PPFIA2: variants seen among roughly 807,000 people sequenced by gnomAD.
The protein encoded by PPFIA2 is PPFI scaffold protein A2, also known as liprin-alpha-2.
Under a neutral mutation model 175.5 loss-of-function variants are expected in PPFIA2, and 46 were observed. The ratio of observed to expected loss-of-function variants is 0.26; its 90% CI spans 0.21 to 0.34. The LOEUF is 0.34. Ranked by LOEUF, PPFIA2 falls within the 10% of genes least tolerant of loss-of-function variation. The pLI is 1.00. For synonymous variants in PPFIA2, 568 were observed against 511.4 expected (o/e 1.11, Z -1.49); for missense variants, 1,179 against 1,506.1 (o/e 0.78, Z 3.60).
chr12:81,426,247 A>C (rs185503515), intron 7 of PPFIA2, among the ~76,000 whole-genome samples: 1 of 152,348 alleles, frequency 6.6e-6, no homozygotes, highest in African/African-American at 2.4e-5. Flanking sequence ...CAATTCTAGA[A>C]GGGTAATACG....
chr12:81,566,352 T>C (rs890183586), intron 4 of PPFIA2, among the ~76,000 whole-genome samples: 4 of 151,742 alleles, frequency 2.6e-5, no homozygotes, highest in Non-Finnish European at 5.9e-5. Flanking sequence ...TAAAACCCCA[T>C]CTGTACTAAG....
chr12:81,669,564 T>G (rs2071023732), intron 4 of PPFIA2, among the ~76,000 whole-genome samples: 1 of 151,818 alleles, frequency 6.6e-6, no homozygotes, highest in Non-Finnish European at 1.5e-5. Flanking sequence ...TAATATTGAG[T>G]GTTCACGGAA....
At chr12:81,334,455 T>C (rs2056734880) in intron 21 of PPFIA2, among the ~76,000 whole-genome samples, 1 of 149,784 alleles carries the variant, frequency 6.7e-6, no homozygotes, top group Non-Finnish European at 1.5e-5. Flanking sequence ...ATAAATAAAT[T>C]ATTTTGGATT....
chr12:81,591,013 G>T (rs995734928), intron 4 of PPFIA2, among the ~76,000 whole-genome samples: 28 of 152,148 alleles, frequency 1.8e-4, no homozygotes, highest in African/African-American at 6.5e-4. Flanking sequence ...GAAAATGTGG[G>T]ACAATTTGGA....
chr12:81,561,025 G>A (rs1443468079), intron 4 of PPFIA2, among the ~76,000 whole-genome samples: 2 of 152,120 alleles, frequency 1.3e-5, no homozygotes, highest in Non-Finnish European at 2.9e-5. Context: ...GTATGTGTGT[G>A]TGTATTTATA....
chr12:81,502,347 T>C (rs1369993377), intron 4 of PPFIA2, among the ~76,000 whole-genome samples: 1 of 152,194 alleles, frequency 6.6e-6, no homozygotes, highest in Non-Finnish European at 1.5e-5. Context: ...TTAAGAAACA[T>C]TTGTGCAATG....
At chr12:81,741,819 T>C (rs951644243) in intron 3 of PPFIA2, among the ~76,000 whole-genome samples, 1 of 152,102 alleles carries the variant, frequency 6.6e-6, no homozygotes, top group South Asian at 2.1e-4. Context: ...AAATAAAATA[T>C]ACACTATACT....
intron 4 of PPFIA2, among the ~76,000 whole-genome samples, chr12:81,640,119 T>C (rs930647909): frequency 1.3e-5 from 2 of 152,168 alleles, no homozygotes; most frequent in Admixed American, 6.5e-5. Flanking sequence ...AACATGTGTG[T>C]ATATGTATCT....
At chr12:81,362,239 T>C (rs924963422) in intron 15 of PPFIA2, among the ~76,000 whole-genome samples, 1 of 151,084 alleles carries the variant, frequency 6.6e-6, no homozygotes, top group Non-Finnish European at 1.5e-5. Context: ...TAAGTGACCA[T>C]AATCAATAAT....
chr12:81,747,203 T>C (rs2083180761), intron 3 of PPFIA2, among the ~76,000 whole-genome samples: 1 of 143,876 alleles, frequency 7.0e-6, no homozygotes, highest in South Asian at 2.3e-4. Flanking sequence ...AGGTAAAAGA[T>C]GGAGCATGCT....
intron 4 of PPFIA2, among the ~76,000 whole-genome samples, chr12:81,466,079 T>C (rs1439025823): frequency 6.6e-6 from 1 of 152,138 alleles, no homozygotes; most frequent in Admixed American, 6.6e-5. Context: ...GCTAGACAGC[T>C]TGAAGGTAGA....
At chr12:81,363,884 T>G (rs1018720677) in intron 14 of PPFIA2, among the ~76,000 whole-genome samples, 1 of 151,874 alleles carries the variant, frequency 6.6e-6, no homozygotes, top group African/African-American at 2.4e-5. Flanking sequence ...TCTTTGTTCA[T>G]TATTTTCACA....
intron 17 of PPFIA2, among the ~76,000 whole-genome samples, chr12:81,352,348 G>A (rs1198161142): frequency 6.6e-6 from 1 of 150,616 alleles, no homozygotes; most frequent in Non-Finnish European, 1.5e-5. Flanking sequence ...CCAGGAAAAG[G>A]GAAAGGTGGG....
intron 30 of PPFIA2, among the ~76,000 whole-genome samples, chr12:81,265,969 A>G (rs995194029): frequency 1.3e-5 from 2 of 152,226 alleles, no homozygotes; most frequent in African/African-American, 4.8e-5. Flanking sequence ...AAAAATATTA[A>G]TCATTATGCT....
At chr12:81,626,803 T>G (rs2062764585) in intron 4 of PPFIA2, among the ~76,000 whole-genome samples, 1 of 152,090 alleles carries the variant, frequency 6.6e-6, no homozygotes, top group Non-Finnish European at 1.5e-5. Context: ...CAAGGATTTT[T>G]GAGGTACTCA....
At chr12:81,699,003 A>G (rs995726388) in intron 3 of PPFIA2, among the ~76,000 whole-genome samples, 1 of 152,122 alleles carries the variant, frequency 6.6e-6, no homozygotes, top group Admixed American at 6.6e-5. Context: ...AGACATTTCT[A>G]CTAACTCAGA....
intron 3 of PPFIA2, among the ~76,000 whole-genome samples, chr12:81,710,785 G>T (rs2077800353): frequency 6.8e-6 from 1 of 147,660 alleles, no homozygotes; most frequent in Admixed American, 7.6e-5. Flanking sequence ...ATGAGGTCAG[G>T]TATGGAATTT....
chr12:81,717,290 T>C (rs2153624581), intron 3 of PPFIA2, among the ~76,000 whole-genome samples: 1 of 151,750 alleles, frequency 6.6e-6, no homozygotes, highest in East Asian at 1.9e-4. Flanking sequence ...TGTTCTTCTT[T>C]TGTTCTTTTC....
chr12:81,356,923 G>C, intron 16 of PPFIA2, among the ~76,000 whole-genome samples: 1 of 152,042 alleles, frequency 6.6e-6, no homozygotes, highest in African/African-American at 2.4e-5. Flanking sequence ...TTTTTAAATG[G>C]ATACAAGAAA....
Sources: gnomAD v4.1 joint callset for allele counts (sites outside exome capture counted in the v4.1 genomes callset) on GRCh38, gnomAD v4.1.1 for gene constraint, MANE v1.5 for transcripts, NCBI Gene and HGNC (gene_info 2026-07-23, HGNC 2026-07-21) for gene names.